Variants in SH3KBP1 observed in about 807,000 individuals in gnomAD.
SH3KBP1 encodes SH3 domain containing kinase binding protein 1.
A neutral mutation model predicts 50.1 loss-of-function variants in SH3KBP1; 8 were observed. The ratio of observed to expected loss-of-function variants is 0.16; its 90% confidence interval spans 0.09 to 0.29. The LOEUF is 0.29. SH3KBP1 is among the 10% of genes least tolerant of loss of function. The pLI is 1.00. For missense variants in SH3KBP1, 377 were observed against 535.2 expected, an observed-to-expected ratio of 0.70 and a Z score of 2.92; for synonymous variants, 227 against 218.6, an observed-to-expected ratio of 1.04 and a Z score of -0.34.
intron 1 of SH3KBP1, among the ~76,000 whole-genome samples, chrX:19,850,272 C>T (rs183822117): frequency 1.0e-4 from 11 of 110,474 alleles, no homozygotes; most frequent in African/African-American, 3.6e-4. Flanking sequence ...GCAACCTCTG[C>T]CCCTGGGTTC....
chrX:19,572,428 CATAT>C (rs1284604932), intron 12 of SH3KBP1, among the ~76,000 whole-genome samples: 3 of 104,523 alleles, frequency 2.9e-5, no homozygotes, highest in Non-Finnish European at 5.8e-5. Flanking sequence ...TTATATAGTA[CATAT>C]ATGTTATATA....
chrX:19,556,332 C>T (rs1391384193), intron 13 of SH3KBP1, among the ~76,000 whole-genome samples: 1 of 108,473 alleles, frequency 9.2e-6, no homozygotes, highest in Non-Finnish European at 1.9e-5. Context: ...AAACTCTAAA[C>T]CCACAGGGCC....
chrX:19,802,954 G>A (rs1022345794), intron 2 of SH3KBP1, among the ~76,000 whole-genome samples: 2 of 111,361 alleles, frequency 1.8e-5, no homozygotes, highest in Non-Finnish European at 3.8e-5. Flanking sequence ...CATTGAGGTT[G>A]GGGGCGTGAG....
At chrX:19,874,068 A>AAAAAAAAAAAAAAAAAAT (rs1491537486) in intron 1 of SH3KBP1, among the ~76,000 whole-genome samples, 2 of 57,045 alleles carry the variant, frequency 3.5e-5, no homozygotes, top group African/African-American at 3.2e-4. Context: ...AAAAAAAAAA[A>AAAAAAAAAAAAAAAAAAT]ATATATATAT....
intron 15 of SH3KBP1, 88 bp downstream of exon 15, chrX:19,545,834 C>T: frequency 9.9e-7 from 1 of 1,014,233 alleles, no homozygotes; most frequent in Non-Finnish European, 1.4e-6. Context: ...AACACCTGCA[C>T]TGTTTGTGTA....
At chrX:19,689,283 T>G (rs2063232522) in intron 5 of SH3KBP1, among the ~76,000 whole-genome samples, 2 of 112,235 alleles carry the variant, frequency 1.8e-5, no homozygotes, top group Non-Finnish European at 3.8e-5. Flanking sequence ...CTGCTTAACT[T>G]CAGTCATTAA....
chrX:19,799,596 A>T, intron 2 of SH3KBP1: 1 of 1,179,684 alleles, frequency 8.5e-7, no homozygotes, highest in Non-Finnish European at 1.2e-6. Flanking sequence ...AAAGATGCAG[A>T]CATCGCAACA....
At chrX:19,620,276 A>G (rs1452398612) in intron 8 of SH3KBP1, among the ~76,000 whole-genome samples, 1 of 112,051 alleles carries the variant, frequency 8.9e-6, no homozygotes, top group Admixed American at 9.5e-5. Context: ...TTCCACAGAT[A>G]AGGACTGGGA....
chrX:19,581,949 G>C (rs5955821), intron 12 of SH3KBP1, among the ~76,000 whole-genome samples: 7,756 of 107,966 alleles, frequency 0.072, 329 homozygotes, highest in Middle Eastern at 0.18. Context: ...CTCTTCACAA[G>C]AAGTCCACAT....
chrX:19,873,284 ATATATG>A (rs1357772129), intron 1 of SH3KBP1, among the ~76,000 whole-genome samples: 48 of 89,121 alleles, frequency 5.4e-4, no homozygotes, highest in African/African-American at 2.6e-3. Flanking sequence ...ATATATATAT[ATATATG>A]TATATATATA....
chrX:19,811,721 T>A (rs1238301456), intron 2 of SH3KBP1, among the ~76,000 whole-genome samples: 2 of 111,962 alleles, frequency 1.8e-5, no homozygotes, highest in East Asian at 5.6e-4. Flanking sequence ...ACTACCTACC[T>A]GCACTAGCTA....
intron 2 of SH3KBP1, among the ~76,000 whole-genome samples, chrX:19,785,861 G>T (rs1457018831): frequency 9.0e-6 from 1 of 110,787 alleles, no homozygotes; most frequent in Non-Finnish European, 1.9e-5. Context: ...CCACTTACAT[G>T]AACTACTTGG....
At chrX:19,625,359 T>A (rs757554196) in intron 8 of SH3KBP1, among the ~76,000 whole-genome samples, 1 of 106,064 alleles carries the variant, frequency 9.4e-6, no homozygotes, top group Admixed American at 1.0e-4. Flanking sequence ...CGACAGCGAG[T>A]GGAAAGCTAA....
chrX:19,539,136 G>A (rs2064809498), intron 16 of SH3KBP1, among the ~76,000 whole-genome samples: 1 of 111,970 alleles, frequency 8.9e-6, no homozygotes, highest in Non-Finnish European at 1.9e-5. Flanking sequence ...CTATACTTAG[G>A]ACACTGCAAG....
rs59121045 is a variant in SH3KBP1 at position 19,722,531 on chromosome X, G to GGTGTGTGTGTGTGTGTGTGT, written c.287-15567_287-15548dup. 6.4e-4 allele frequency among the ~76,000 whole-genome samples: 65 copies of GGTGTGTGTGTGTGTGTGTGT among 101,046 alleles called. 1 individual carries two copies. Among genetic ancestry groups the GGTGTGTGTGTGTGTGTGTGT allele is most frequent in the African/African-American group, 2.3e-3 (62 of 26,561 alleles). The allele number at this position is 101,046 out of a possible 115,157, so 87.7% of individuals were successfully genotyped here. A position where few individuals can be genotyped will look rare whatever the true frequency, so the allele number is the denominator to read the frequency against. ...GCTCCCAGCCCTACTCAGCTGCACT[G>GGTGTGTGTGTGTGTGTGTGT]GTGTGTGTGTGTGTGTGTGTGTGTG... is the stretch of plus-strand genomic sequence containing the variant. On this transcript the variant is annotated intron_variant, in intron 3 of 17. Transcript: ENST00000397821.
chrX:19,579,883 C>T (rs2066313250), intron 12 of SH3KBP1, among the ~76,000 whole-genome samples: 1 of 111,567 alleles, frequency 9.0e-6, no homozygotes, highest in East Asian at 2.8e-4. Flanking sequence ...TTTTCCACTC[C>T]CTTGGGGCCC....
intron 7 of SH3KBP1, among the ~76,000 whole-genome samples, chrX:19,638,016 G>A (rs959773921): frequency 9.2e-6 from 1 of 109,207 alleles, no homozygotes; most frequent in Admixed American, 9.7e-5. Context: ...GGCAGAGGTT[G>A]CAATGAGCCG....
At chrX:19,710,639 C>T (rs746637595) in intron 3 of SH3KBP1, among the ~76,000 whole-genome samples, 5 of 111,390 alleles carry the variant, frequency 4.5e-5, no homozygotes, top group East Asian at 5.6e-4. Flanking sequence ...TCTCTTCCTG[C>T]GCTTAATTTA....
chrX:19,588,684 C>G lies in SH3KBP1; in HGVS notation c.1257G>C (p.Pro419=). The change falls in exon 12 of 18, where the codon CCG becomes CCC. Residue 419 remains proline, a synonymous_variant. Transcript: ENST00000397821. ...GACCCACCGGTCTCTCCGGCCTTCT[C>G]GGGGGCAGTGCGCCAGGTCTGCTGA... is the stretch of plus-strand genomic sequence containing the variant. ...NSLSRPGALP[P]RRPERPVGPL... is the part of the protein sequence containing the mutation. 1 of 1,209,032 alleles carries G rather than the reference C, an allele frequency of 8.3e-7. No homozygotes were observed. The highest frequency in any genetic ancestry group is 1.1e-6 in the Non-Finnish European group (1 of 894,515).
Sources: gnomAD v4.1 joint callset for allele counts (sites outside exome capture counted in the v4.1 genomes callset) on GRCh38, gnomAD v4.1.1 for gene constraint, MANE v1.5 for transcripts, NCBI Gene and HGNC (gene_info 2026-07-23, HGNC 2026-07-21) for gene names.